FNBP1L: variants seen among roughly 807,000 people sequenced by gnomAD.
FNBP1L encodes the protein formin-binding protein 1-like.
FNBP1L carries 36 observed loss-of-function variants against 91.2 expected under a neutral mutation model. The observed-to-expected ratio is 0.39, with a 90% CI of 0.30 to 0.52. FNBP1L has a LOEUF of 0.52. Ranked by LOEUF, FNBP1L falls within the 20% of genes least tolerant of loss-of-function variation. FNBP1L has a pLI of 0.66. For synonymous variants in FNBP1L, 242 were observed against 237.0 expected, an observed-to-expected ratio of 1.02 and a Z score of -0.19; for missense variants, 571 against 732.1, an observed-to-expected ratio of 0.78 and a Z score of 2.54.
At chr1:93,472,370 A>C (rs889658464) in intron 1 of FNBP1L, among the ~76,000 whole-genome samples, 1 of 152,170 alleles carries the variant, frequency 6.6e-6, no homozygotes, top group Non-Finnish European at 1.5e-5. Flanking sequence ...TATCTTGTCT[A>C]AAACTACTTC....
intron 2 of FNBP1L, among the ~76,000 whole-genome samples, chr1:93,511,291 G>A (rs1303726065): frequency 6.6e-6 from 1 of 152,078 alleles, no homozygotes; most frequent in Non-Finnish European, 1.5e-5. Context: ...AGAGAGTGGG[G>A]GACAATATTC....
At chr1:93,485,922 A>G (rs971947092) in intron 1 of FNBP1L, among the ~76,000 whole-genome samples, 3 of 151,966 alleles carry the variant, frequency 2.0e-5, no homozygotes, top group Non-Finnish European at 4.4e-5. Context: ...CTGGTCTCGA[A>G]CTCCTGACCT....
intron 2 of FNBP1L, among the ~76,000 whole-genome samples, chr1:93,507,146 C>CTCTCTCTT (rs1670664732): frequency 8.1e-6 from 1 of 122,950 alleles, no homozygotes; most frequent in African/African-American, 3.3e-5. Context: ...CTCTCTCTCT[C>CTCTCTCTT]TCTCTTTCTC....
At chr1:93,483,995 C>T (rs2101710690) in intron 1 of FNBP1L, among the ~76,000 whole-genome samples, 1 of 152,348 alleles carries the variant, frequency 6.6e-6, no homozygotes, top group Middle Eastern at 3.4e-3. Context: ...GTGATGTGAT[C>T]TTGGCTCACC....
intron 1 of FNBP1L, among the ~76,000 whole-genome samples, chr1:93,491,318 T>G (rs1670082090): frequency 6.6e-6 from 1 of 152,152 alleles, no homozygotes; most frequent in African/African-American, 2.4e-5. Context: ...CTTTCCAGCC[T>G]TCTTCTCTCA....
At chr1:93,483,041 C>CAAAAAACAA (rs1306890479) in intron 1 of FNBP1L, among the ~76,000 whole-genome samples, 1 of 137,690 alleles carries the variant, frequency 7.3e-6, no homozygotes, top group Admixed American at 7.3e-5. Flanking sequence ...AAACAAAAAA[C>CAAAAAACAA]AAAAAGTAGC....
chr1:93,502,286 TGTA>T (rs1670462028), intron 2 of FNBP1L, among the ~76,000 whole-genome samples: 1 of 152,212 alleles, frequency 6.6e-6, no homozygotes, highest in African/African-American at 2.4e-5. Flanking sequence ...ACTTTTGAAT[TGTA>T]GTCTTTTCAA....
chr1:93,540,407 A>C (rs1382481237), intron 10 of FNBP1L, among the ~76,000 whole-genome samples: 1 of 152,166 alleles, frequency 6.6e-6, no homozygotes, highest in Non-Finnish European at 1.5e-5. Context: ...TTCAACCTAT[A>C]TACTTGTATA....
At chr1:93,542,639 A>C (rs184043002) in intron 11 of FNBP1L, among the ~76,000 whole-genome samples, 1 of 151,968 alleles carries the variant, frequency 6.6e-6, no homozygotes, top group Non-Finnish European at 1.5e-5. Context: ...TCATTCTTAC[A>C]CATGGTGAAA....
At chr1:93,526,214 G>C (rs1218931930) in intron 5 of FNBP1L, among the ~76,000 whole-genome samples, 1 of 152,160 alleles carries the variant, frequency 6.6e-6, no homozygotes, top group Non-Finnish European at 1.5e-5. Context: ...AGAGATGCGA[G>C]GTCCATCAGT....
chr1:93,550,278 G>A (rs1672363355), intron 15 of FNBP1L, among the ~76,000 whole-genome samples: 1 of 152,158 alleles, frequency 6.6e-6, no homozygotes, highest in East Asian at 1.9e-4. Flanking sequence ...GAGCCCAGGA[G>A]TTCGAATCCA....
At chr1:93,476,363 A>G (rs921463319) in intron 1 of FNBP1L, among the ~76,000 whole-genome samples, 1 of 152,148 alleles carries the variant, frequency 6.6e-6, no homozygotes, top group Non-Finnish European at 1.5e-5. Context: ...AATTACGCCT[A>G]CTCTCAAGGA....
chr1:93,548,410 TA>T (rs1171905350), intron 14 of FNBP1L, among the ~76,000 whole-genome samples: 1 of 152,172 alleles, frequency 6.6e-6, no homozygotes, highest in Non-Finnish European at 1.5e-5. Context: ...TTAAGAAAAA[TA>T]AATTGTGTTT....
At chr1:93,489,857 T>C (rs919336257) in intron 1 of FNBP1L, among the ~76,000 whole-genome samples, 8 of 152,146 alleles carry the variant, frequency 5.3e-5, no homozygotes, top group African/African-American at 1.9e-4. Flanking sequence ...CTGCAGTCCA[T>C]AAGAGTTAAA....
intron 1 of FNBP1L, among the ~76,000 whole-genome samples, chr1:93,492,899 G>A (rs1011973110): frequency 4.6e-5 from 7 of 152,134 alleles, no homozygotes; most frequent in Non-Finnish European, 8.8e-5. Context: ...TAATGTGTTT[G>A]AGAATAAAAC....
At chr1:93,519,724 C>A (rs1273131514) in intron 2 of FNBP1L, among the ~76,000 whole-genome samples, 2 of 152,058 alleles carry the variant, frequency 1.3e-5, no homozygotes, top group Non-Finnish European at 2.9e-5. Context: ...CCAAGGCAGG[C>A]GGATCACTTG....
At chr1:93,481,713 C>T (rs572114917) in intron 1 of FNBP1L, among the ~76,000 whole-genome samples, 4 of 152,266 alleles carry the variant, frequency 2.6e-5, no homozygotes, top group Admixed American at 6.5e-5. Context: ...TAGTTCCTTG[C>T]CACCTCTGAA....
At chr1:93,456,743 A>G (rs935003123) in intron 1 of FNBP1L, among the ~76,000 whole-genome samples, 5 of 151,316 alleles carry the variant, frequency 3.3e-5, no homozygotes, top group African/African-American at 4.9e-5. Flanking sequence ...CTGCCTCTGC[A>G]CTTTAGCTTG....
intron 2 of FNBP1L, 63 bp from the exon 3 acceptor site, chr1:93,522,019 A>AGT: frequency 9.7e-7 from 1 of 1,031,904 alleles, no homozygotes; most frequent in Non-Finnish European, 1.4e-6. Context: ...GAAAACTTAG[A>AGT]CTATTTCAAT....
Sources: allele counts gnomAD v4.1 joint callset (sites outside exome capture counted in the v4.1 genomes callset), GRCh38; gene constraint gnomAD v4.1.1; transcripts MANE v1.5; gene names NCBI Gene and HGNC (gene_info 2026-07-23, HGNC 2026-07-21).